The following SACM1L variants were observed in gnomAD, a reference collection of about 807,000 sequenced individuals.
The protein encoded by SACM1L is phosphatidylinositol-3-phosphatase SAC1.
A neutral mutation model predicts 89.5 loss-of-function variants in SACM1L; 32 were observed. That is an observed-to-expected ratio of 0.36 (90% CI 0.27 to 0.48). The LOEUF is 0.48. Ranked by LOEUF, SACM1L falls within the 20% of genes least tolerant of loss-of-function variation. The pLI, the probability that SACM1L is intolerant of heterozygous loss-of-function variation, is 0.99. For synonymous variants in SACM1L, 213 were observed against 232.8 expected (o/e 0.92, Z 0.77); for missense variants, 543 against 708.5 (o/e 0.77, Z 2.65).
chr3:45,742,677 TG>T (rs1256918841), intron 19 of SACM1L: 1 of 152,290 alleles, frequency 6.6e-6, no homozygotes, highest in Non-Finnish European at 1.5e-5. Flanking sequence ...GGTTATTGGC[TG>T]GGTGCTGTGG....
chr3:45,726,034 A>G (rs1213367206), intron 11 of SACM1L, among the ~76,000 whole-genome samples: 2 of 151,966 alleles, frequency 1.3e-5, no homozygotes, highest in East Asian at 1.9e-4. Context: ...CCAGCCTTAC[A>G]TTGTGGGAAT....
chr3:45,694,632 C>T (rs1379004924), intron 1 of SACM1L, among the ~76,000 whole-genome samples: 2 of 152,126 alleles, frequency 1.3e-5, no homozygotes, highest in African/African-American at 2.4e-5. Context: ...GTTTTAAGTG[C>T]GTATTCCAGG....
chr3:45,718,215 A>G (rs1045430553), intron 7 of SACM1L, among the ~76,000 whole-genome samples: 3 of 152,196 alleles, frequency 2.0e-5, no homozygotes, highest in African/African-American at 4.8e-5. Flanking sequence ...CAGCCATAGC[A>G]GCAGCAAATG....
rs751438872 is a variant in SACM1L, at chr3:45,737,852, A to G, written c.1382+8A>G. 6.8e-6 allele frequency: 11 copies of G among 1,611,644 alleles called. No individual in the cohort carries two copies. The highest frequency in any genetic ancestry group is 5.3e-5 in the African/African-American group (4 of 74,854). On this transcript the variant is annotated splice_region_variant and intron_variant, in intron 16 of 19. Coordinates refer to ENST00000389061, the MANE Select transcript of SACM1L (RefSeq NM_014016.5). ...GAAGACTGACTTTACCAGGCAAGCC[A>G]TGCTTTTAAAATAGCATTCCACATC...
intron 11 of SACM1L, among the ~76,000 whole-genome samples, chr3:45,726,228 C>A (rs1458043536): frequency 6.6e-6 from 1 of 152,066 alleles, no homozygotes; most frequent in African/African-American, 2.4e-5. Context: ...AGAAAGTGTT[C>A]TCTCTTCTTC....
Position 45,715,613 on chromosome 3 carries a change from A to G in SACM1L, c.577+1534A>G, listed in dbSNP as rs575775928. The stretch of plus-strand genomic sequence containing the variant: ...ACATGGTGAAACCCTGTCTCTACTG[A>G]AAATACAAAAATTAGCTGGGCGTGG... On this transcript the variant is annotated intron_variant, in intron 7 of 19. Transcript: ENST00000389061. 6.4e-4 allele frequency among the ~76,000 whole-genome samples: 98 copies of G among 152,254 alleles called. No homozygotes were observed. The East Asian group carries it at 0.016, about 25-fold the overall frequency.
chr3:45,698,558 T>C (rs1245556687), intron 1 of SACM1L, among the ~76,000 whole-genome samples: 2 of 149,678 alleles, frequency 1.3e-5, no homozygotes, highest in Non-Finnish European at 3.0e-5. Context: ...GTTATAATAC[T>C]TTTTTTTTTG....
chr3:45,727,824 T>C (rs1252328733), intron 11 of SACM1L, among the ~76,000 whole-genome samples: 3 of 152,158 alleles, frequency 2.0e-5, no homozygotes, highest in African/African-American at 7.2e-5. Context: ...CTCAATCTCC[T>C]GACCTCGTGA....
At chr3:45,723,276 C>T (rs1480607498) in intron 10 of SACM1L, among the ~76,000 whole-genome samples, 199 bp from the exon 11 acceptor site, 2 of 152,002 alleles carry the variant, frequency 1.3e-5, no homozygotes, top group Non-Finnish European at 2.9e-5. Flanking sequence ...GGTAGTGTTG[C>T]AGCTCAGAGT....
At chr3:45,707,059 C>A in intron 4 of SACM1L, 152 bp downstream of exon 4, 4 of 543,190 alleles carry the variant, frequency 7.4e-6, no homozygotes, top group South Asian at 3.7e-5. Flanking sequence ...TCTACCTAGG[C>A]ATAAAAAATA....
chr3:45,730,540 T>C (rs1015835603), intron 11 of SACM1L: 2 of 152,242 alleles, frequency 1.3e-5, no homozygotes, highest in African/African-American at 4.8e-5. Context: ...CCCCCATTCT[T>C]TGCAGACTTG....
Position 45,709,512 on chromosome 3 carries a change from A to T in SACM1L, c.348A>T (p.Lys116Asn). The change falls in exon 5 of 20, where the codon AAA becomes AAT. Residue 116 changes from lysine to asparagine, a missense_variant. Lys to Asn is a moderately conservative substitution (Grantham distance 94). Coordinates refer to ENST00000389061, the MANE Select transcript of SACM1L (RefSeq NM_014016.5). ...TTTGTTTATAGTTACAAGATAATAAAACCTTCCTAGCGATGCTAAACCATG... is the reference window on the plus strand; with the variant it reads ...TTTGTTTATAGTTACAAGATAATAATACCTTCCTAGCGATGCTAAACCATG... ...HLTDIQLQDN[K>N]TFLAMLNHVL... is the part of the protein sequence containing the mutation. 6.2e-7 allele frequency: 1 copy of T among 1,609,530 alleles called. No individual in the cohort carries two copies. Among genetic ancestry groups the T allele is most frequent in the South Asian group, 1.1e-5 (1 of 89,922 alleles).
intron 13 of SACM1L, among the ~76,000 whole-genome samples, chr3:45,733,947 G>C (rs981335988): frequency 3.3e-5 from 5 of 152,128 alleles, no homozygotes; most frequent in Non-Finnish European, 7.3e-5. Context: ...TGAATTCATA[G>C]AATTATCAAG....
Position 45,714,046 on chromosome 3 carries a change from G to A in SACM1L, c.544G>A (p.Val182Ile). Reference sequence around the variant, plus strand: ...TTCTAAATATATATCTTCATTTCAGGTTCATCGGTTTGCCCTTCCAGTGTT... The same window carrying A: ...TTCTAAATATATATCTTCATTTCAGATTCATCGGTTTGCCCTTCCAGTGTT... ...LLRELSAQPE[V>I]HRFALPVLHG... Residue 182 changes from valine (V) to isoleucine (I), a missense_variant and splice_region_variant, in exon 7 of 20, where the codon GTT becomes ATT. Physicochemically the swap from Val to Ile is conservative, Grantham distance 29 (BLOSUM62 3). This residue lies in a region of SACM1L where 370 missense variants were observed against 527.6 expected (regional missense o/e 0.70). Coordinates refer to ENST00000389061, the MANE Select transcript of SACM1L (RefSeq NM_014016.5). 1 of 1,513,294 alleles carries A rather than the reference G, an allele frequency of 6.6e-7. No homozygotes were observed. The highest frequency in any genetic ancestry group is 9.1e-7 in the Non-Finnish European group (1 of 1,104,792). 93.7% of individuals were successfully genotyped at this position (1,513,294 alleles called of 1,614,324 possible). A position where few individuals can be genotyped will look rare whatever the true frequency, so the allele number is the denominator to read the frequency against.
chr3:45,744,556 C>G lies in SACM1L; in HGVS notation c.*887C>G, dbSNP rs147014048. On this transcript the variant is annotated 3_prime_UTR_variant, in exon 20 of 20. Transcript: ENST00000389061. ...GTCTTGTTCTAGATTTCATATTGCACTTGGAGGGTAACAGCTGCTTTTTCA... is the reference window on the plus strand; with the variant it reads ...GTCTTGTTCTAGATTTCATATTGCAGTTGGAGGGTAACAGCTGCTTTTTCA... 28 of 152,654 alleles carry G rather than the reference C, an allele frequency of 1.8e-4. No individual in the cohort carries two copies. The East Asian group carries it at 3.9e-3, about 21-fold the overall frequency. The allele number at this position is 152,654 out of a possible 1,614,324, so 9.5% of individuals were successfully genotyped here. A position where few individuals can be genotyped will look rare whatever the true frequency, so the allele number is the denominator to read the frequency against.
intron 11 of SACM1L, among the ~76,000 whole-genome samples, chr3:45,728,112 C>T (rs1698966153): frequency 6.6e-6 from 1 of 152,138 alleles, no homozygotes; most frequent in South Asian, 2.1e-4. Context: ...TATTCCAGCT[C>T]TTTTTTGATT....
chr3:45,722,779 A>G (rs1230239012), intron 9 of SACM1L, 90 bp from the exon 10 acceptor site: 1 of 870,744 alleles, frequency 1.1e-6, no homozygotes, highest in East Asian at 2.7e-5. Context: ...TCCCTTGCAT[A>G]TTCATTAATA....
At chr3:45,695,322 G>A (rs534565747) in intron 1 of SACM1L, among the ~76,000 whole-genome samples, 3 of 151,726 alleles carry the variant, frequency 2.0e-5, no homozygotes, top group East Asian at 3.9e-4. Flanking sequence ...GTGCAGTGGC[G>A]CAGTCTCGGC....
intron 13 of SACM1L, among the ~76,000 whole-genome samples, chr3:45,733,185 C>T (rs1029445147): frequency 6.6e-6 from 1 of 152,288 alleles, no homozygotes; most frequent in East Asian, 1.9e-4. Context: ...GTGTTCGTTG[C>T]TGTTCACTGT....
Sources: allele counts gnomAD v4.1 joint callset (sites outside exome capture counted in the v4.1 genomes callset), GRCh38; gene constraint gnomAD v4.1.1; regional missense constraint gnomAD v4.1.1; transcripts MANE v1.5; gene names NCBI Gene and HGNC (gene_info 2026-07-23, HGNC 2026-07-21).